BMP6: variants seen among roughly 807,000 people sequenced by gnomAD.
BMP6 encodes VG-1-R.
A neutral mutation model predicts 54.1 loss-of-function variants in BMP6; 17 were observed. The ratio of observed to expected loss-of-function variants is 0.31; its 90% CI spans 0.22 to 0.47. The LOEUF (loss-of-function observed/expected upper bound fraction) is 0.47. Among genes scored for constraint, BMP6 ranks in the 20% least tolerant of loss-of-function variants. BMP6 has a pLI of 1.00. For missense variants in BMP6, 720 were observed against 690.4 expected (o/e 1.04, Z -0.48); for synonymous variants, 328 against 291.2 (o/e 1.13, Z -1.28).
chr6:7,743,163 A>G (rs1033508588), intron 1 of BMP6, among the ~76,000 whole-genome samples: 3 of 152,190 alleles, frequency 2.0e-5, no homozygotes. Flanking sequence ...TGTATTTTAC[A>G]CTTCCAAAAT....
At chr6:7,768,200 T>G (rs1757721701) in intron 1 of BMP6, among the ~76,000 whole-genome samples, 1 of 152,178 alleles carries the variant, frequency 6.6e-6, no homozygotes, top group African/African-American at 2.4e-5. Context: ...AACCATTCCC[T>G]TTCCTCTCCC....
intron 2 of BMP6, among the ~76,000 whole-genome samples, chr6:7,850,187 T>C (rs899824987): frequency 2.6e-5 from 4 of 152,108 alleles, no homozygotes; most frequent in African/African-American, 9.7e-5. Context: ...CTGTTGCCCA[T>C]GCTGGAGTGC....
intron 1 of BMP6, among the ~76,000 whole-genome samples, chr6:7,747,045 C>T (rs182777928): frequency 1.3e-5 from 2 of 152,302 alleles, no homozygotes; most frequent in African/African-American, 4.8e-5. Flanking sequence ...CTGAACGAAT[C>T]CCATAAGGCC....
rs1468102134 is a variant in BMP6 at position 7,726,183 on chromosome 6, C to T, written c.-773C>T. Among the ~76,000 whole-genome samples the T allele has an allele frequency of 6.6e-6, 1 of 152,180 alleles. No individual in the cohort carries two copies. The highest frequency in any genetic ancestry group is 1.9e-4 in the East Asian group (1 of 5,176). On this transcript the variant is annotated 5_prime_UTR_variant, in exon 1 of 7. Coordinates refer to ENST00000283147, the MANE Select transcript of BMP6 (RefSeq NM_001718.6). ...CGGCGCCGCCGCCGCGGCCGCTGCT[C>T]GGTGCACTAGCCCCCTTCCTTCCCA...
chr6:7,869,106 C>T (rs977032598), intron 4 of BMP6, among the ~76,000 whole-genome samples: 4 of 152,324 alleles, frequency 2.6e-5, no homozygotes, highest in African/African-American at 7.2e-5. Flanking sequence ...GCTGCAGCGC[C>T]CTAGCCCCGT....
chr6:7,867,978 C>T (rs1759453031), intron 4 of BMP6, among the ~76,000 whole-genome samples: 1 of 152,162 alleles, frequency 6.6e-6, no homozygotes, highest in African/African-American at 2.4e-5. Flanking sequence ...CCGTGAGATG[C>T]CTAAGTCATT....
At chr6:7,774,370 C>T (rs1757832819) in intron 1 of BMP6, among the ~76,000 whole-genome samples, 1 of 152,158 alleles carries the variant, frequency 6.6e-6, no homozygotes, top group African/African-American at 2.4e-5. Flanking sequence ...ACCAACATGT[C>T]GAAGCCCCGT....
chr6:7,778,439 G>A (rs1213585244), intron 1 of BMP6, among the ~76,000 whole-genome samples: 4 of 151,576 alleles, frequency 2.6e-5, no homozygotes, highest in Admixed American at 6.6e-5. Flanking sequence ...TGCCTTGCCC[G>A]AAGTCACACA....
intron 2 of BMP6, among the ~76,000 whole-genome samples, chr6:7,858,444 T>C (rs1239190919): frequency 1.3e-5 from 2 of 152,136 alleles, no homozygotes; most frequent in Non-Finnish European, 2.9e-5. Context: ...ATTTTCTGTA[T>C]CCAGCTGACT....
chr6:7,745,876 G>A (rs545163611), intron 1 of BMP6, among the ~76,000 whole-genome samples: 4 of 152,142 alleles, frequency 2.6e-5, no homozygotes, highest in African/African-American at 9.7e-5. Context: ...GCTGAGACAG[G>A]AGAATCACTT....
intron 1 of BMP6, among the ~76,000 whole-genome samples, chr6:7,745,924 C>G (rs1316590654): frequency 1.3e-5 from 2 of 151,942 alleles, no homozygotes; most frequent in Non-Finnish European, 2.9e-5. Context: ...GCCGAGATTG[C>G]GTCACTACAT....
At chr6:7,765,990 C>T (rs1176863584) in intron 1 of BMP6, among the ~76,000 whole-genome samples, 1 of 152,160 alleles carries the variant, frequency 6.6e-6, no homozygotes, top group Non-Finnish European at 1.5e-5. Flanking sequence ...AATCCAGATC[C>T]TTTCTCCATC....
intron 2 of BMP6, among the ~76,000 whole-genome samples, chr6:7,854,536 C>G (rs1299100612): frequency 6.6e-6 from 1 of 152,232 alleles, no homozygotes. Flanking sequence ...GTGGCTCACG[C>G]CTGTGATCCC....
intron 1 of BMP6, among the ~76,000 whole-genome samples, chr6:7,833,208 A>G (rs753543927): frequency 1.3e-5 from 2 of 152,338 alleles, no homozygotes; most frequent in East Asian, 3.9e-4. Context: ...GTGCTCTCCA[A>G]TACAGGAGCC....
chr6:7,767,108 C>T (rs1401073078), intron 1 of BMP6, among the ~76,000 whole-genome samples: 1 of 151,400 alleles, frequency 6.6e-6, no homozygotes, highest in Non-Finnish European at 1.5e-5. Flanking sequence ...TGCCTCAGCT[C>T]TCCGAGTAGC....
chr6:7,808,122 G>A (rs376941138), intron 1 of BMP6, among the ~76,000 whole-genome samples: 31 of 151,682 alleles, frequency 2.0e-4, no homozygotes, highest in South Asian at 1.5e-3. Context: ...GGGTTTCACC[G>A]TGTTAGCCAG....
chr6:7,845,216 G>A lies in BMP6; in HGVS notation c.741G>A (p.Glu247=). 1 of 1,614,180 alleles carries A rather than the reference G, an allele frequency of 6.2e-7. No homozygotes were observed. Among genetic ancestry groups the A allele is most frequent in the Non-Finnish European group, 8.5e-7 (1 of 1,179,986 alleles). Residue 247 remains glutamate, a synonymous_variant, in exon 2 of 7, where the codon GAG becomes GAA. Transcript: ENST00000283147. The part of the protein sequence containing the change: ...EFKFNLSQIP[E]GEVVTAAEFR... Reference sequence around the variant, plus strand: ...AGTTCAACTTATCCCAGATTCCTGAGGGTGAGGTGGTGACGGCTGCAGAAT... The same window carrying A: ...AGTTCAACTTATCCCAGATTCCTGAAGGTGAGGTGGTGACGGCTGCAGAAT...
At chr6:7,871,075 T>G (rs1561797569) in intron 4 of BMP6, among the ~76,000 whole-genome samples, 2 of 151,422 alleles carry the variant, frequency 1.3e-5, no homozygotes, top group Non-Finnish European at 3.0e-5. Flanking sequence ...ACAAATAGTT[T>G]TGTGTGTGTG....
intron 2 of BMP6, among the ~76,000 whole-genome samples, chr6:7,860,103 A>G (rs1318627796): frequency 6.6e-6 from 1 of 152,108 alleles, no homozygotes; most frequent in Non-Finnish European, 1.5e-5. Flanking sequence ...CTGTTTTTTC[A>G]CTTGCTAGCT....
Sources: allele counts gnomAD v4.1 joint callset (sites outside exome capture counted in the v4.1 genomes callset), GRCh38; gene constraint gnomAD v4.1.1; transcripts MANE v1.5; gene names NCBI Gene and HGNC (gene_info 2026-07-23, HGNC 2026-07-21).